Variants in BABAM2 observed in about 807,000 individuals in gnomAD.
The protein encoded by BABAM2 is BRISC and BRCA1-A complex member 2.
A neutral mutation model predicts 54.7 loss-of-function variants in BABAM2; 31 were observed. The observed-to-expected ratio is 0.57, with a 90% CI of 0.43 to 0.77. The LOEUF is 0.77. Ranked by LOEUF, BABAM2 falls within the 30% of genes least tolerant of loss-of-function variation. The probability of loss-of-function intolerance (pLI) is 0.00; values close to 1 mark genes in which losing one functional copy is unlikely to be tolerated. For missense variants in BABAM2, 364 were observed against 455.8 expected (o/e 0.80, Z 1.83); for synonymous variants, 167 against 162.9 (o/e 1.03, Z -0.19).
intron 4 of BABAM2, among the ~76,000 whole-genome samples, chr2:27,994,000 A>T (rs1478137393): frequency 6.6e-6 from 1 of 152,234 alleles, no homozygotes; most frequent in Admixed American, 6.5e-5. Flanking sequence ...ATGGTGCTCG[A>T]TGCCTAGACA....
chr2:28,227,412 TC>T (rs938298418), intron 7 of BABAM2, among the ~76,000 whole-genome samples: 2 of 152,136 alleles, frequency 1.3e-5, no homozygotes, highest in African/African-American at 4.8e-5. Context: ...TGGCCTCGGA[TC>T]CATTGCCCTG....
At chr2:28,323,928 A>G (rs1161617236) in intron 11 of BABAM2, among the ~76,000 whole-genome samples, 1 of 152,216 alleles carries the variant, frequency 6.6e-6, no homozygotes, top group African/African-American at 2.4e-5. Context: ...AGCACTTCCA[A>G]GAACCACATG....
chr2:28,266,294 T>C (rs1684984696), intron 10 of BABAM2, among the ~76,000 whole-genome samples: 1 of 152,180 alleles, frequency 6.6e-6, no homozygotes, highest in Admixed American at 6.5e-5. Flanking sequence ...GCCACCTTTC[T>C]TCTTTCTGAC....
intron 7 of BABAM2, among the ~76,000 whole-genome samples, chr2:28,171,534 C>T (rs1053369511): frequency 6.6e-6 from 1 of 152,132 alleles, no homozygotes; most frequent in Non-Finnish European, 1.5e-5. Context: ...TTCCTACTTT[C>T]CTGTCTAGTA....
chr2:28,148,490 C>T (rs549404893), intron 7 of BABAM2, among the ~76,000 whole-genome samples: 3 of 152,340 alleles, frequency 2.0e-5, no homozygotes, highest in South Asian at 2.1e-4. Context: ...GTCCATCAAG[C>T]CATAGTGCCT....
chr2:28,144,581 G>T (rs1365774963), intron 7 of BABAM2, among the ~76,000 whole-genome samples: 2 of 152,112 alleles, frequency 1.3e-5, no homozygotes, highest in Admixed American at 6.5e-5. Flanking sequence ...ATGCTTTAGG[G>T]ATCCACTGAC....
chr2:28,003,714 G>T (rs745600935), intron 4 of BABAM2, among the ~76,000 whole-genome samples: 1 of 152,146 alleles, frequency 6.6e-6, no homozygotes, highest in Admixed American at 6.5e-5. Flanking sequence ...TTACTAGGTG[G>T]ATTATGCAGG....
chr2:28,132,199 C>G (rs559708249), intron 7 of BABAM2, among the ~76,000 whole-genome samples: 191 of 149,642 alleles, frequency 1.3e-3, no homozygotes, highest in Non-Finnish European at 2.2e-3. Flanking sequence ...AGTGCAGTGG[C>G]ACCATCTCCG....
chr2:27,896,110 G>C (rs1388685284), intron 2 of BABAM2: 1 of 152,024 alleles, frequency 6.6e-6, no homozygotes, highest in East Asian at 1.9e-4. Context: ...GGAAGCATAG[G>C]TATTGGACAC....
At chr2:28,246,045 G>A (rs147128754) in intron 10 of BABAM2, among the ~76,000 whole-genome samples, 2 of 152,224 alleles carry the variant, frequency 1.3e-5, no homozygotes, top group Admixed American at 6.5e-5. Context: ...ATGATCGAGC[G>A]CAGGCCACAG....
rs1023775494 is a variant in BABAM2, at chr2:27,906,386, T to G, written c.128+11702T>G. The stretch of plus-strand genomic sequence containing the variant: ...GGTAGTTAGCTGCCTGTCTAGACTT[T>G]TTGTGATCATAATAGTATAATACAG... On this transcript the variant is annotated intron_variant, in intron 2 of 11. Transcript: ENST00000379624. Among the ~76,000 whole-genome samples, 4 of 152,214 alleles carry G rather than the reference T, an allele frequency of 2.6e-5. 1 individual carries two copies. Among genetic ancestry groups the G allele is most frequent in the African/African-American group, 9.6e-5 (4 of 41,456 alleles).
chr2:27,892,992 ATTAC>A (rs202194448), intron 1 of BABAM2, among the ~76,000 whole-genome samples: 24 of 152,248 alleles, frequency 1.6e-4, no homozygotes, highest in Admixed American at 3.9e-4. Flanking sequence ...AAATAAATTT[ATTAC>A]TTACTATCTG....
At chr2:28,124,643 T>C (rs1481516393) in intron 6 of BABAM2, among the ~76,000 whole-genome samples, 1 of 152,224 alleles carries the variant, frequency 6.6e-6, no homozygotes, top group African/African-American at 2.4e-5. Context: ...TTCACTAATT[T>C]ATTCATTCAG....
At chr2:28,134,221 A>G (rs1270279829) in intron 7 of BABAM2, among the ~76,000 whole-genome samples, 1 of 125,740 alleles carries the variant, frequency 8.0e-6, no homozygotes, top group Non-Finnish European at 1.7e-5. Flanking sequence ...AAAAAAAAAA[A>G]GCTAGTAGTC....
In BABAM2 at chr2:28,304,261, G is replaced by A. The variant is rs1688333939; in HGVS notation, c.1088+5770G>A. ...AGTACAGACAGGGTTTTGGCATGTT[G>A]GCCAGTCTGGTTTCAAACTCCTGAC... On this transcript the variant is annotated intron_variant, in intron 11 of 11. Transcript: ENST00000379624. This position sits in a 1 kb window ranked among gnomAD's most constrained non-coding sequence, Gnocchi z 4.0. 6.6e-6 allele frequency among the ~76,000 whole-genome samples: 1 copy of A among 151,820 alleles called. No individual in the cohort carries two copies. Among genetic ancestry groups the A allele is most frequent in the South Asian group, 2.1e-4 (1 of 4,820 alleles).
chr2:28,262,987 G>T (rs191436850), intron 10 of BABAM2, among the ~76,000 whole-genome samples: 1 of 152,126 alleles, frequency 6.6e-6, no homozygotes, highest in African/African-American at 2.4e-5. Context: ...AAGAGGCTTT[G>T]GGCAGTAACT....
intron 6 of BABAM2, among the ~76,000 whole-genome samples, chr2:28,075,304 T>C (rs575116334): frequency 5.3e-5 from 8 of 152,320 alleles, no homozygotes; most frequent in South Asian, 2.1e-4. Context: ...GGTTTTTTGT[T>C]GTTGTTTTTT....
chr2:28,165,042 T>G (rs1029065110), intron 7 of BABAM2, among the ~76,000 whole-genome samples: 1 of 152,238 alleles, frequency 6.6e-6, no homozygotes, highest in African/African-American at 2.4e-5. Flanking sequence ...AAGAAATATT[T>G]GTTTAGCTCC....
intron 3 of BABAM2, among the ~76,000 whole-genome samples, chr2:27,982,844 T>TACACACACACACAC (rs146744707): frequency 7.9e-6 from 1 of 127,164 alleles, no homozygotes; most frequent in Non-Finnish European, 1.6e-5. Flanking sequence ...TCATTATGTG[T>TACACACACACACAC]ACACACACAC....
Sources: allele counts gnomAD v4.1 joint callset (sites outside exome capture counted in the v4.1 genomes callset), GRCh38; gene constraint gnomAD v4.1.1; non-coding constraint Gnocchi (gnomAD v3.1); transcripts MANE v1.5; gene names NCBI Gene and HGNC (gene_info 2026-07-23, HGNC 2026-07-21).